The following ABCA13 variants were observed in gnomAD, a reference collection of about 807,000 sequenced individuals.
ABCA13 encodes the protein ATP-binding cassette sub-family A member 13.
A neutral mutation model predicts 478.7 loss-of-function variants in ABCA13; 476 were observed. That is an observed-to-expected ratio of 0.99 (90% CI 0.92 to 1.07). The LOEUF is 1.07. Among genes scored for constraint, ABCA13 ranks in the 50% least tolerant of loss-of-function variants. The pLI is 0.00. For missense variants in ABCA13, 6,060 were observed against 5,910.6 expected (o/e 1.03, Z -0.83); for synonymous variants, 2,252 against 2,158.9 (o/e 1.04, Z -1.20).
intron 2 of ABCA13, among the ~76,000 whole-genome samples, chr7:48,194,830 T>C (rs1797713714): frequency 6.8e-6 from 1 of 145,996 alleles, no homozygotes; most frequent in East Asian, 2.0e-4. Context: ...TAAGAAAACC[T>C]AAAAAGCTTT....
intron 50 of ABCA13, 97 bp from the exon 51 acceptor site, chr7:48,510,987 A>G (rs1302142086): frequency 4.0e-6 from 4 of 996,164 alleles, no homozygotes; most frequent in Non-Finnish European, 6.2e-6. Context: ...TAGGAAATAT[A>G]TTTGTGAAGT....
At chr7:48,433,697 C>CA (rs1238266441) in intron 42 of ABCA13, among the ~76,000 whole-genome samples, 12 of 151,952 alleles carry the variant, frequency 7.9e-5, no homozygotes, top group Non-Finnish European at 1.6e-4. Context: ...CTCCCTCCCC[C>CA]AGCTCCTGGA....
chr7:48,401,327 G>A (rs1817571059), intron 38 of ABCA13, among the ~76,000 whole-genome samples: 1 of 152,184 alleles, frequency 6.6e-6, no homozygotes, highest in Non-Finnish European at 1.5e-5. Context: ...CTGTAGGAAA[G>A]CGTTTATGAA....
chr7:48,414,862 C>T (rs1170642826), intron 41 of ABCA13, among the ~76,000 whole-genome samples: 4 of 152,110 alleles, frequency 2.6e-5, no homozygotes, highest in Non-Finnish European at 5.9e-5. Flanking sequence ...ACAAGTCTGT[C>T]AAAAATGGTA....
At position 48,183,865 on chromosome 7, in the gene ABCA13, A is replaced by G. The variant is rs144775165; in HGVS notation, c.70-9094A>G. Reference sequence around the variant, plus strand: ...CTTTCGCAAGTAATGTTGTGTAAACACTTTTGACCATTGAGCATACCTCTT... The same window carrying G: ...CTTTCGCAAGTAATGTTGTGTAAACGCTTTTGACCATTGAGCATACCTCTT... On this transcript the variant is annotated intron_variant, in intron 1 of 61. Coordinates refer to ENST00000435803, the MANE Select transcript of ABCA13 (RefSeq NM_152701.5). 1.9e-3 allele frequency among the ~76,000 whole-genome samples: 289 copies of G among 152,294 alleles called. 1 individual carries two copies. Among genetic ancestry groups the G allele is most frequent in the Non-Finnish European group, 3.5e-3 (240 of 68,032 alleles).
chr7:48,307,162 A>C (rs1484411263), intron 23 of ABCA13, among the ~76,000 whole-genome samples: 1 of 152,186 alleles, frequency 6.6e-6, no homozygotes, highest in Non-Finnish European at 1.5e-5. Flanking sequence ...ACTAGGATTC[A>C]TTCTGAGAAA....
In ABCA13 at chr7:48,231,168, TA is replaced by T. The variant is rs768172808; in HGVS notation, c.763+1226del. The stretch of plus-strand genomic sequence containing the variant: ...GCACTTGTATCCCGGAACTTAAAGT[TA>T]AAAAAAAAAAAAGGCATAGTTCTTA... On this transcript the variant is annotated intron_variant, in intron 7 of 61. Coordinates refer to ENST00000435803, the MANE Select transcript of ABCA13 (RefSeq NM_152701.5). Among the ~76,000 whole-genome samples the T allele has an allele frequency of 7.9e-3, 1,080 of 137,052 alleles. 6 individuals are homozygous for T. Among genetic ancestry groups the T allele is most frequent in the African/African-American group, 0.013 (475 of 37,370 alleles). The allele number at this position is 137,052 out of a possible 152,430, so 89.9% of individuals were successfully genotyped here.
chr7:48,633,816 G>A (rs888218330), intron 59 of ABCA13, among the ~76,000 whole-genome samples: 1 of 152,022 alleles, frequency 6.6e-6, no homozygotes, highest in African/African-American at 2.4e-5. Context: ...CTTAACCTGG[G>A]AGACAGAAAT....
intron 31 of ABCA13, among the ~76,000 whole-genome samples, chr7:48,356,316 G>A (rs1809904042): frequency 6.6e-6 from 1 of 151,912 alleles, no homozygotes; most frequent in Admixed American, 6.5e-5. Flanking sequence ...GGTAGAATTG[G>A]AGAGTGAACT....
chr7:48,483,787 C>T (rs1054777198), intron 47 of ABCA13, among the ~76,000 whole-genome samples: 1 of 152,202 alleles, frequency 6.6e-6, no homozygotes, highest in African/African-American at 2.4e-5. Context: ...AAAAAGTCAA[C>T]ACTACCTTAA....
intron 38 of ABCA13, among the ~76,000 whole-genome samples, chr7:48,402,828 C>G (rs528805742): frequency 6.6e-5 from 10 of 152,344 alleles, no homozygotes; most frequent in Middle Eastern, 6.8e-3. Context: ...TGCTGGCTAT[C>G]AGGAAGGTAG....
chr7:48,483,171 TA>T lies in ABCA13; in HGVS notation c.13182+9del. ...CCCCCAACTCTGGCAAAGGTAATCA[TA>T]TTTTTTTATTTTTTTCCTGTTTTAG... On this transcript the variant is annotated intron_variant, in intron 47 of 61. Transcript: ENST00000435803. 2 of 1,590,346 alleles carry T rather than the reference TA, an allele frequency of 1.3e-6. No homozygotes were observed. Among genetic ancestry groups the T allele is most frequent in the Non-Finnish European group, 1.7e-6 (2 of 1,169,294 alleles).
chr7:48,507,025 T>G (rs1831274886), intron 49 of ABCA13, among the ~76,000 whole-genome samples: 1 of 152,246 alleles, frequency 6.6e-6, no homozygotes, highest in African/African-American at 2.4e-5. Flanking sequence ...CAAATCTGCT[T>G]AATGGGCATT....
chr7:48,267,837 A>G (rs930064697), intron 15 of ABCA13, among the ~76,000 whole-genome samples: 17 of 152,104 alleles, frequency 1.1e-4, no homozygotes, highest in African/African-American at 4.1e-4. Flanking sequence ...CATGCCTGCT[A>G]ATTTTTTATT....
At chr7:48,232,533 A>G (rs1480066636) in intron 7 of ABCA13, among the ~76,000 whole-genome samples, 2 of 152,176 alleles carry the variant, frequency 1.3e-5, no homozygotes, top group African/African-American at 4.8e-5. Context: ...CTTGTCTCCA[A>G]GAAAAATTCT....
At chr7:48,396,407 A>G (rs1223722654) in intron 38 of ABCA13, among the ~76,000 whole-genome samples, 1 of 152,206 alleles carries the variant, frequency 6.6e-6, no homozygotes, top group Non-Finnish European at 1.5e-5. Context: ...AGGAACTTAC[A>G]TGAGTGATCT....
intron 1 of ABCA13, among the ~76,000 whole-genome samples, chr7:48,174,965 C>G (rs148949476): frequency 6.6e-6 from 1 of 152,158 alleles, no homozygotes; most frequent in African/African-American, 2.4e-5. Flanking sequence ...GAAGGACACA[C>G]CTTCTCCTGG....
chr7:48,579,854 G>C (rs1247930373), intron 55 of ABCA13, among the ~76,000 whole-genome samples: 1 of 152,172 alleles, frequency 6.6e-6, no homozygotes, highest in Non-Finnish European at 1.5e-5. Context: ...AGTTTTCTGG[G>C]AAAGTAGCTC....
In ABCA13 at chr7:48,403,714, C is replaced by T. The variant is rs1405531060; in HGVS notation, c.11905C>T (p.Gln3969Ter). Residue 3969 changes from glutamine (Q) to a stop codon, truncating the protein, a stop_gained, in exon 39 of 62, where the codon CAG becomes TAG. Coordinates refer to ENST00000435803, the MANE Select transcript of ABCA13 (RefSeq NM_152701.5). LOFTEE classifies it high-confidence loss of function. ...TCAGGATGTGGACTTAACTCAGCAT[C>T]AGCACAAACAGACCCGAGCTCTGTC... ...TLQDVDLTQH[Q>*]HKQTRALSGG... is the part of the protein sequence containing the mutation. The T allele has an allele frequency of 6.2e-7, 1 of 1,613,986 alleles. No individual in the cohort carries two copies. The highest frequency in any genetic ancestry group is 1.7e-5 in the Admixed American group (1 of 60,032).
Sources: gnomAD v4.1 joint callset for allele counts (sites outside exome capture counted in the v4.1 genomes callset) on GRCh38, gnomAD v4.1.1 for gene constraint, MANE v1.5 for transcripts, NCBI Gene and HGNC (gene_info 2026-07-23, HGNC 2026-07-21) for gene names.